Variants in SYNPO2 observed in about 807,000 individuals in gnomAD.
SYNPO2 encodes synaptopodin-2.
A neutral mutation model predicts 85.0 loss-of-function variants in SYNPO2; 56 were observed. The observed-to-expected ratio is 0.66, with a 90% CI of 0.53 to 0.82. The LOEUF (loss-of-function observed/expected upper bound fraction) is 0.82. Ranked by LOEUF, SYNPO2 falls within the 40% of genes least tolerant of loss-of-function variation. SYNPO2 has a pLI of 0.00. For missense variants in SYNPO2, 1,575 were observed against 1,534.2 expected (o/e 1.03, Z -0.44); for synonymous variants, 602 against 591.1 (o/e 1.02, Z -0.27).
At chr4:119,036,765 G>A in intron 4 of SYNPO2, 1 of 994,458 alleles carries the variant, frequency 1.0e-6, no homozygotes, top group Non-Finnish European at 1.2e-6. Flanking sequence ...ATGTTTCTGT[G>A]GTATGTATAT....
chr4:119,014,345 C>T (rs937730724), intron 1 of SYNPO2, among the ~76,000 whole-genome samples: 2 of 152,102 alleles, frequency 1.3e-5, no homozygotes, highest in East Asian at 1.9e-4. Flanking sequence ...ACCTGGGAGG[C>T]GGAGGTTGCA....
At chr4:118,857,232 C>T (rs191994876) in intron 1 of SYNPO2, among the ~76,000 whole-genome samples, 17 of 152,114 alleles carry the variant, frequency 1.1e-4, no homozygotes, top group East Asian at 3.9e-4. Flanking sequence ...ATTGAAGGCA[C>T]GGAATAATTT....
intron 1 of SYNPO2, among the ~76,000 whole-genome samples, chr4:118,923,855 G>A (rs995976004): frequency 2.1e-5 from 3 of 144,362 alleles, no homozygotes; most frequent in African/African-American, 7.7e-5. Flanking sequence ...ATTCTTGCAC[G>A]AGGAAAGGAC....
chr4:118,910,161 C>T (rs1471282676), intron 1 of SYNPO2, among the ~76,000 whole-genome samples: 1 of 152,210 alleles, frequency 6.6e-6, no homozygotes, highest in Admixed American at 6.5e-5. Flanking sequence ...CTATTTCTCA[C>T]TGTTGTTTTC....
chr4:119,001,899 G>C (rs571811739), intron 1 of SYNPO2, among the ~76,000 whole-genome samples: 94 of 152,080 alleles, frequency 6.2e-4, no homozygotes, highest in African/African-American at 2.1e-3. Flanking sequence ...GTGATTTCTT[G>C]ATTTTTCTCA....
At chr4:118,895,056 T>C (rs939171647) in intron 1 of SYNPO2, among the ~76,000 whole-genome samples, 1 of 152,216 alleles carries the variant, frequency 6.6e-6, no homozygotes, top group African/African-American at 2.4e-5. Flanking sequence ...GAGTGTCAAC[T>C]CATTCCATTA....
rs1270252246 is a variant in SYNPO2, at chr4:119,031,137, C to T, written c.2362C>T (p.Gln788Ter). 4 of 1,614,128 alleles carry T rather than the reference C, an allele frequency of 2.5e-6. No homozygotes were observed. Residue 788 changes from glutamine (Q) to a stop codon, truncating the protein, a stop_gained, in exon 4 of 5, where the codon CAA (glutamine) becomes TAA (stop). Coordinates refer to ENST00000307142, the MANE Select transcript of SYNPO2 (RefSeq NM_133477.3). LOFTEE classifies it high-confidence loss of function. ...PVWSPGVAPT[Q>*]PPAFPTSNPS... ...CTGGTCTCCAGGAGTGGCTCCCACCCAACCTCCTGCCTTCCCCACATCCAA... is the reference window on the plus strand; with the variant it reads ...CTGGTCTCCAGGAGTGGCTCCCACCTAACCTCCTGCCTTCCCCACATCCAA...
chr4:118,974,269 C>A (rs1482620811), intron 1 of SYNPO2, among the ~76,000 whole-genome samples: 1 of 152,166 alleles, frequency 6.6e-6, no homozygotes, highest in Non-Finnish European at 1.5e-5. Flanking sequence ...GTATCTCAGG[C>A]CTTAGAGATT....
Position 119,031,731 on chromosome 4 carries a change from G to T in SYNPO2, c.2956G>T (p.Asp986Tyr). 6.2e-7 allele frequency: 1 copy of T among 1,614,178 alleles called. No individual in the cohort carries two copies. The highest frequency in any genetic ancestry group is 8.5e-7 in the Non-Finnish European group (1 of 1,180,046). Residue 986 changes from aspartate (D) to tyrosine (Y), a missense_variant, in exon 4 of 5, where the codon GAT becomes TAT. Physicochemically the swap from Asp to Tyr is radical, Grantham distance 160. Around this residue, in one of 3 missense-constraint regions of SYNPO2, gnomAD observed 1,508 missense variants for 1,446.8 expected, o/e 1.04. Coordinates refer to ENST00000307142, the MANE Select transcript of SYNPO2 (RefSeq NM_133477.3). ...TACTTTCCAACCTCCAGATGCAAAG[G>T]ATGGCCTCCCCCAGAAGTCATCAGT... Reference protein sequence around the residue: ...LFTFQPPDAKDGLPQKSSVKV... With the variant: ...LFTFQPPDAKYGLPQKSSVKV...
Position 119,031,163 on chromosome 4 carries a change from C to A in SYNPO2, c.2388C>A (p.Asn796Lys). The A allele has an allele frequency of 6.2e-7, 1 of 1,614,174 alleles. No individual in the cohort carries two copies. The highest frequency in any genetic ancestry group is 8.5e-7 in the Non-Finnish European group (1 of 1,180,030). Residue 796 changes from asparagine (N) to lysine (K), a missense_variant, in exon 4 of 5, where the codon AAC (asparagine) becomes AAA (lysine). By Grantham distance (94) the Asn-to-Lys change is moderately conservative. Transcript: ENST00000307142. ...PTQPPAFPTSNPSKGTVVSSI... is the reference protein window; with the variant it reads ...PTQPPAFPTSKPSKGTVVSSI... ...AACCTCCTGCCTTCCCCACATCCAA[C>A]CCATCAAAGGGCACCGTTGTCTCCT...
chr4:119,000,111 G>C (rs1317037262), intron 1 of SYNPO2, among the ~76,000 whole-genome samples: 3 of 152,160 alleles, frequency 2.0e-5, no homozygotes, highest in African/African-American at 7.2e-5. Flanking sequence ...GGTTCAATGT[G>C]AGCCACTCTC....
intron 4 of SYNPO2, among the ~76,000 whole-genome samples, chr4:119,039,650 G>T (rs935975594): frequency 6.6e-6 from 1 of 151,988 alleles, no homozygotes. Context: ...AACACCTACC[G>T]CTTCCAGCCA....
At position 118,957,941 on chromosome 4, in the gene SYNPO2, A is replaced by C. The variant is rs140856027; in HGVS notation, c.106-65489A>C. Among the ~76,000 whole-genome samples, 663 of 152,298 alleles carry C rather than the reference A, an allele frequency of 4.4e-3. 4 individuals are homozygous for C. Among genetic ancestry groups the C allele is most frequent in the African/African-American group, 0.015 (607 of 41,568 alleles). ...CAGAGCTTGATGGGAATAGTCAAGAATATGCAGCCACTTTTCTTGCCAAAA... is the reference window on the plus strand; with the variant it reads ...CAGAGCTTGATGGGAATAGTCAAGACTATGCAGCCACTTTTCTTGCCAAAA... On this transcript the variant is annotated intron_variant, in intron 1 of 4. Coordinates refer to ENST00000307142, the MANE Select transcript of SYNPO2 (RefSeq NM_133477.3).
At chr4:118,939,072 G>A (rs897926251) in intron 1 of SYNPO2, among the ~76,000 whole-genome samples, 3 of 152,114 alleles carry the variant, frequency 2.0e-5, no homozygotes, top group Admixed American at 1.3e-4. Context: ...CTTCCTTTGG[G>A]TAAATATTTA....
At chr4:118,895,626 C>A (rs1732527542) in intron 1 of SYNPO2, among the ~76,000 whole-genome samples, 1 of 152,170 alleles carries the variant, frequency 6.6e-6, no homozygotes, top group African/African-American at 2.4e-5. Flanking sequence ...CTGCTAGACT[C>A]TGGTTGAGTT....
intron 1 of SYNPO2, among the ~76,000 whole-genome samples, chr4:118,911,803 T>C (rs1223021422): frequency 6.6e-6 from 1 of 152,136 alleles, no homozygotes; most frequent in African/African-American, 2.4e-5. Context: ...ACAAATCCCA[T>C]TTTCATTCAG....
rs201200646 is a variant in SYNPO2, at chr4:119,031,564, C to T, written c.2789C>T (p.Ser930Leu). ...PPPVAYNPIH[S>L]PSYPLAALKS... is the part of the protein sequence containing the mutation. ...CCTGTGGCCTATAATCCTATCCACT[C>T]GCCGTCTTACCCACTGGCTGCTCTC... The change falls in exon 4 of 5, where the codon TCG becomes TTG. Residue 930 changes from serine to leucine, a missense_variant. By Grantham distance (145) the Ser-to-Leu change is moderately radical (BLOSUM62 -2). Coordinates refer to ENST00000307142, the MANE Select transcript of SYNPO2 (RefSeq NM_133477.3). 8.1e-5 allele frequency: 130 copies of T among 1,614,072 alleles called. No individual in the cohort carries two copies. Among genetic ancestry groups the T allele is most frequent in the Non-Finnish European group, 8.0e-5 (94 of 1,180,042 alleles).
At chr4:119,007,231 TATATATATATATATGTATATAC>T (rs1391383816) in intron 1 of SYNPO2, among the ~76,000 whole-genome samples, 1,425 of 48,692 alleles carry the variant, frequency 0.029, 13 homozygotes, top group African/African-American at 0.055. Context: ...TATATATATA[TATATATATATATATGTATATAC>T]ATATATATAT....
chr4:118,883,106 A>T (rs1732138723), intron 1 of SYNPO2, among the ~76,000 whole-genome samples: 1 of 150,900 alleles, frequency 6.6e-6, no homozygotes, highest in Admixed American at 6.6e-5. Flanking sequence ...GGAAGATTTG[A>T]TGGCCCAAAA....
Sources: allele counts gnomAD v4.1 joint callset (sites outside exome capture counted in the v4.1 genomes callset), GRCh38; gene constraint gnomAD v4.1.1; regional missense constraint gnomAD v4.1.1; transcripts MANE v1.5; gene names NCBI Gene and HGNC (gene_info 2026-07-23, HGNC 2026-07-21).